The following ZFAND3 variants were observed in gnomAD, a reference collection of about 807,000 sequenced individuals.
ZFAND3 encodes the protein zinc finger AN1-type containing 3, also known as AN1-type zinc finger protein 3.
ZFAND3 carries 10 observed loss-of-function variants against 29.6 expected under a neutral mutation model. That is an observed-to-expected ratio of 0.34 (90% CI 0.21 to 0.57). The LOEUF (loss-of-function observed/expected upper bound fraction) is 0.57, where lower values mean the gene tolerates loss of function less well. Among genes scored for constraint, ZFAND3 ranks in the 20% least tolerant of loss-of-function variants. ZFAND3 has a pLI of 0.86. For synonymous variants in ZFAND3, 128 were observed against 112.6 expected (o/e 1.14, Z -0.87); for missense variants, 230 against 304.5 (o/e 0.76, Z 1.82).
intron 5 of ZFAND3, among the ~76,000 whole-genome samples, chr6:38,146,897 T>C (rs913398856): frequency 2.0e-5 from 3 of 152,206 alleles, no homozygotes; most frequent in Non-Finnish European, 2.9e-5. Flanking sequence ...AGTGTAGATA[T>C]GGGAATGTAT....
intron 2 of ZFAND3, among the ~76,000 whole-genome samples, chr6:38,036,411 A>G (rs1763657658): frequency 6.6e-6 from 1 of 152,224 alleles, no homozygotes; most frequent in Non-Finnish European, 1.5e-5. Flanking sequence ...AGGAGGATAG[A>G]GGGTACATAA....
chr6:38,059,310 T>G (rs9470757), intron 2 of ZFAND3, among the ~76,000 whole-genome samples: 4,586 of 151,976 alleles, frequency 0.03, 183 homozygotes, highest in African/African-American at 0.086. Context: ...GCGGTATTCT[T>G]AACATATTTT....
intron 1 of ZFAND3, among the ~76,000 whole-genome samples, chr6:37,877,883 A>G (rs1282077521): frequency 1.3e-5 from 2 of 152,224 alleles, no homozygotes; most frequent in Non-Finnish European, 2.9e-5. Flanking sequence ...AGTGAAGCAG[A>G]CGCTGGAAGG....
At chr6:37,924,527 G>A (rs1761446297) in intron 1 of ZFAND3, among the ~76,000 whole-genome samples, 2 of 152,024 alleles carry the variant, frequency 1.3e-5, no homozygotes, top group Admixed American at 6.6e-5. Flanking sequence ...ACAGGAAGAG[G>A]AACTGATTTA....
At chr6:38,144,298 T>C (rs1766058038) in intron 5 of ZFAND3, among the ~76,000 whole-genome samples, 1 of 150,824 alleles carries the variant, frequency 6.6e-6, no homozygotes, top group African/African-American at 2.4e-5. Flanking sequence ...TCATTTATTT[T>C]TGAAATAGAC....
chr6:38,013,304 T>C (rs1763193448), intron 2 of ZFAND3, among the ~76,000 whole-genome samples: 1 of 152,214 alleles, frequency 6.6e-6, no homozygotes, highest in Admixed American at 6.5e-5. Flanking sequence ...TTGATTCTAC[T>C]TCAGTCTTGC....
Position 38,041,817 on chromosome 6 carries a change from CTTCTCCTCCT to C in ZFAND3, c.113-19773_113-19764del, listed in dbSNP as rs1763792527. ...TCTTCTTCTCCTCTTCTTTCTTCTT[CTTCTCCTCCT>C]TTTTTTTTTTTTTTTATATGAGACA... is the stretch of plus-strand genomic sequence containing the variant. On this transcript the variant is annotated intron_variant, in intron 2 of 5. Coordinates refer to ENST00000287218, the MANE Select transcript of ZFAND3 (RefSeq NM_021943.3). Among the ~76,000 whole-genome samples the C allele has an allele frequency of 9.5e-5, 2 of 21,104 alleles. 1 individual carries two copies. Among genetic ancestry groups the C allele is most frequent in the African/African-American group, 2.4e-4 (2 of 8,190 alleles). 13.8% of individuals were successfully genotyped at this position (21,104 alleles called of 152,430 possible). A position where few individuals can be genotyped will look rare whatever the true frequency, so the allele number is the denominator to read the frequency against.
intron 4 of ZFAND3, among the ~76,000 whole-genome samples, chr6:38,098,561 CA>C: frequency 6.6e-6 from 1 of 151,350 alleles, no homozygotes; most frequent in African/African-American, 2.4e-5. Context: ...AGTGCAGTGG[CA>C]CGATCTTGGC....
chr6:37,845,910 C>A (rs1220597003), intron 1 of ZFAND3, among the ~76,000 whole-genome samples: 1 of 152,122 alleles, frequency 6.6e-6, no homozygotes, highest in Non-Finnish European at 1.5e-5. Context: ...TTTTTCTTTT[C>A]CTGGTTAGAT....
chr6:37,904,945 C>T lies in ZFAND3; in HGVS notation c.72-25014C>T, dbSNP rs529144647. On this transcript the variant is annotated intron_variant, in intron 1 of 5. Coordinates refer to ENST00000287218, the MANE Select transcript of ZFAND3 (RefSeq NM_021943.3). ...TTCTAGTGTGTACGTGTGTGTATTT[C>T]ATATAATACATTTATGTGTATGAGC... Among the ~76,000 whole-genome samples the T allele has an allele frequency of 2.8e-3, 432 of 152,210 alleles. 1 individual carries two copies. The highest frequency in any genetic ancestry group is 5.2e-3 in the Non-Finnish European group (351 of 67,988).
intron 3 of ZFAND3, among the ~76,000 whole-genome samples, chr6:38,066,248 A>G (rs547068170): frequency 1.1e-4 from 16 of 152,332 alleles, no homozygotes; most frequent in Middle Eastern, 3.4e-3. Context: ...TTAAAAATCA[A>G]TGGGAGATAA....
chr6:38,042,075 T>C (rs1316103358), intron 2 of ZFAND3, among the ~76,000 whole-genome samples: 1 of 151,104 alleles, frequency 6.6e-6, no homozygotes, highest in Admixed American at 6.6e-5. Flanking sequence ...TGGCTGCAGG[T>C]GACCTGACCT....
At chr6:38,076,288 C>T (rs976850636) in intron 3 of ZFAND3, among the ~76,000 whole-genome samples, 1 of 152,068 alleles carries the variant, frequency 6.6e-6, no homozygotes, top group Non-Finnish European at 1.5e-5. Context: ...GACTCTACAA[C>T]ATAGTATAAA....
intron 2 of ZFAND3, among the ~76,000 whole-genome samples, chr6:37,982,755 G>A (rs995216569): frequency 1.3e-5 from 2 of 152,076 alleles, no homozygotes; most frequent in Non-Finnish European, 2.9e-5. Flanking sequence ...TTTTTAAAAA[G>A]TTAACTGTAA....
intron 1 of ZFAND3, among the ~76,000 whole-genome samples, chr6:37,860,652 T>TG (rs1360577381): frequency 7.5e-5 from 11 of 146,488 alleles, no homozygotes; most frequent in African/African-American, 2.6e-4. Flanking sequence ...TTTTTTTTTT[T>TG]TTTTTAAGTA....
chr6:37,925,303 G>T (rs1345637326), intron 1 of ZFAND3, among the ~76,000 whole-genome samples: 1 of 152,170 alleles, frequency 6.6e-6, no homozygotes, highest in African/African-American at 2.4e-5. Flanking sequence ...CATCATAGAA[G>T]CATTAAGGAA....
chr6:37,995,339 A>G (rs544005157), intron 2 of ZFAND3, among the ~76,000 whole-genome samples: 1 of 152,316 alleles, frequency 6.6e-6, no homozygotes, highest in South Asian at 2.1e-4. Flanking sequence ...GTTTTCAAGC[A>G]CTAAATTCTC....
intron 1 of ZFAND3, among the ~76,000 whole-genome samples, chr6:37,918,063 C>CT (rs1244458593): frequency 6.6e-6 from 1 of 151,818 alleles, no homozygotes; most frequent in Non-Finnish European, 1.5e-5. Flanking sequence ...GTGTAGAAGT[C>CT]TTTTTTTGTT....
chr6:38,049,551 C>G (rs1763977732), intron 2 of ZFAND3, among the ~76,000 whole-genome samples: 2 of 152,190 alleles, frequency 1.3e-5, no homozygotes, highest in African/African-American at 4.8e-5. Flanking sequence ...TGTGCATGAG[C>G]TTTTCTCACT....
Sources: allele counts gnomAD v4.1 joint callset (sites outside exome capture counted in the v4.1 genomes callset), GRCh38; gene constraint gnomAD v4.1.1; transcripts MANE v1.5; gene names NCBI Gene and HGNC (gene_info 2026-07-23, HGNC 2026-07-21).